The following GNL3L variants were observed in gnomAD, a reference collection of about 807,000 sequenced individuals.
The protein encoded by GNL3L is guanine nucleotide-binding protein-like 3-like protein.
A neutral mutation model predicts 42.9 loss-of-function variants in GNL3L; 4 were observed. The observed-to-expected ratio is 0.09, with a 90% confidence interval of 0.05 to 0.21. The LOEUF (loss-of-function observed/expected upper bound fraction) is 0.21, where lower values mean the gene tolerates loss of function less well. Ranked by LOEUF, GNL3L falls within the 10% of genes least tolerant of loss-of-function variation. The pLI, the probability that GNL3L is intolerant of heterozygous loss-of-function variation, is 1.00. For missense variants in GNL3L, 412 were observed against 481.7 expected (o/e 0.86, Z 1.36); for synonymous variants, 159 against 176.3 (o/e 0.90, Z 0.78).
At position 54,600,206 on chromosome X, in the gene GNL3L, C is replaced by CTTTTTTTT. The variant is rs1172527598; in HGVS notation, c.*46-20609_*46-20602dup. Reference sequence around the variant, plus strand: ...CTCTAGATTTTATTCCAATCTGCTGCTTTTTTTTTTTTTTTTTTTTTTTTT... The same window carrying CTTTTTTTT: ...CTCTAGATTTTATTCCAATCTGCTGCTTTTTTTTTTTTTTTTTTTTTTTTTTTTTTTTT... On this transcript the variant is annotated intron_variant, in intron 16 of 16. Transcript: ENST00000674498. 1.5e-4 allele frequency among the ~76,000 whole-genome samples: 2 copies of CTTTTTTTT among 13,401 alleles called. 1 individual carries two copies. Among genetic ancestry groups the CTTTTTTTT allele is most frequent in the East Asian group, 4.9e-3 (2 of 412 alleles). The allele number at this position is 13,401 out of a possible 115,157, so 11.6% of individuals were successfully genotyped here.
At chrX:54,550,111 GAC>G (rs1030379173) in intron 9 of GNL3L, among the ~76,000 whole-genome samples, 21 of 109,815 alleles carry the variant, frequency 1.9e-4, no homozygotes, top group Non-Finnish European at 3.2e-4. Context: ...TAGATACAGA[GAC>G]ACAGAGAGAA....
intron 16 of GNL3L, among the ~76,000 whole-genome samples, chrX:54,575,803 G>A (rs1250907136): frequency 2.7e-5 from 3 of 111,365 alleles, no homozygotes; most frequent in Non-Finnish European, 5.7e-5. Flanking sequence ...CCAGCAACTC[G>A]GGAGGCTGAG....
At chrX:54,589,643 A>G (rs1321536224) in intron 16 of GNL3L, among the ~76,000 whole-genome samples, 1 of 111,897 alleles carries the variant, frequency 8.9e-6, no homozygotes, top group African/African-American at 3.2e-5. Flanking sequence ...TCATCTGTAT[A>G]GATACTTAGG....
chrX:54,548,534 C>T (rs918436220), intron 9 of GNL3L, among the ~76,000 whole-genome samples, 161 bp downstream of exon 9: 1 of 110,833 alleles, frequency 9.0e-6, no homozygotes, highest in Non-Finnish European at 1.9e-5. Context: ...GGCATCACTG[C>T]GTATTGAGTA....
At chrX:54,531,117 G>A (rs951681903) in intron 1 of GNL3L, among the ~76,000 whole-genome samples, 7 of 111,747 alleles carry the variant, frequency 6.3e-5, no homozygotes, top group Non-Finnish European at 9.4e-5. Flanking sequence ...CACCCAACAT[G>A]CTTCGAAGCA....
chrX:54,571,427 C>G (rs1439244425), downstream of GNL3L, among the ~76,000 whole-genome samples: 1 of 108,214 alleles, frequency 9.2e-6, no homozygotes. Flanking sequence ...GATCTCCTGA[C>G]CTCGTGATCC....
chrX:54,639,426 A>G, the GNL3L span, among the ~76,000 whole-genome samples: 1 of 112,029 alleles, frequency 8.9e-6, no homozygotes, highest in East Asian at 2.8e-4. Context: ...GCCCCAGTGT[A>G]CTTGCACTCG....
At chrX:54,620,809 G>A (rs1169096969) in intron 16 of GNL3L, among the ~76,000 whole-genome samples, 10 of 111,942 alleles carry the variant, frequency 8.9e-5, no homozygotes, top group Non-Finnish European at 1.7e-4. Flanking sequence ...GTTATTGCCT[G>A]TCTTTTGGTT....
At chrX:54,600,722 T>A (rs750530246) in intron 16 of GNL3L, among the ~76,000 whole-genome samples, 3 of 110,972 alleles carry the variant, frequency 2.7e-5, no homozygotes, top group Non-Finnish European at 5.7e-5. Flanking sequence ...CACTTATACC[T>A]CTCTAGTGGG....
At chrX:54,572,795 A>G (rs6521775) in intron 16 of GNL3L, among the ~76,000 whole-genome samples, 15,374 of 99,342 alleles carry the variant, frequency 0.15, 1,947 homozygotes, top group African/African-American at 0.42. Flanking sequence ...CAGACGGGGC[A>G]GCTGCCGGGC....
chrX:54,602,669 T>G (rs1422172085), intron 16 of GNL3L, among the ~76,000 whole-genome samples: 1 of 111,628 alleles, frequency 9.0e-6, no homozygotes, highest in Non-Finnish European at 1.9e-5. Flanking sequence ...AGACTTTTCT[T>G]GGCTTGATGA....
chrX:54,568,440 C>A (rs1412084629), downstream of GNL3L, among the ~76,000 whole-genome samples: 1 of 111,781 alleles, frequency 8.9e-6, no homozygotes, highest in Non-Finnish European at 1.9e-5. Context: ...GTTACACTCT[C>A]TCCAGAGACT....
chrX:54,640,969 C>T, the GNL3L span, among the ~76,000 whole-genome samples: 1 of 111,949 alleles, frequency 8.9e-6, no homozygotes, highest in East Asian at 2.8e-4. Flanking sequence ...GCTTGAGCAA[C>T]TGGGTTGGAT....
chrX:54,631,887 G>A, the GNL3L span, among the ~76,000 whole-genome samples: 27 of 106,863 alleles, frequency 2.5e-4, no homozygotes, highest in African/African-American at 7.2e-4. Context: ...GCTTTAAGGA[G>A]GTTCTATTTT....
chrX:54,644,330 C>A, the GNL3L span, among the ~76,000 whole-genome samples: 5 of 112,152 alleles, frequency 4.5e-5, no homozygotes, highest in Admixed American at 4.7e-4. Flanking sequence ...ATTACAAATA[C>A]TTTACCCACT....
downstream of GNL3L, among the ~76,000 whole-genome samples, chrX:54,624,432 CTTTTTCTTTTTTT>C (rs1488534546): frequency 1.1e-5 from 1 of 90,081 alleles, no homozygotes; most frequent in East Asian, 3.4e-4. Flanking sequence ...TTTTTTTTTT[CTTTTTCTTTTTTT>C]TTTTTTTTTT....
chrX:54,596,376 A>G (rs775160351), intron 16 of GNL3L, among the ~76,000 whole-genome samples: 8 of 111,932 alleles, frequency 7.1e-5, no homozygotes, highest in African/African-American at 2.6e-4. Flanking sequence ...TAGTAGGCAG[A>G]GAGTCTTGTT....
At chrX:54,590,103 C>G (rs1015706792) in intron 16 of GNL3L, among the ~76,000 whole-genome samples, 1 of 110,891 alleles carries the variant, frequency 9.0e-6, no homozygotes, top group Non-Finnish European at 1.9e-5. Flanking sequence ...CCATGCCCAG[C>G]TAATTTTTGT....
chrX:54,578,606 G>A (rs971331593), intron 16 of GNL3L, among the ~76,000 whole-genome samples: 4 of 112,099 alleles, frequency 3.6e-5, no homozygotes, highest in East Asian at 2.8e-4. Flanking sequence ...AGCATAATGC[G>A]TTTGAGATTC....
Sources: gnomAD v4.1 joint callset for allele counts (sites outside exome capture counted in the v4.1 genomes callset) on GRCh38, gnomAD v4.1.1 for gene constraint, MANE v1.5 for transcripts, NCBI Gene and HGNC (gene_info 2026-07-23, HGNC 2026-07-21) for gene names.